Variants in CD44 observed in about 807,000 individuals in gnomAD.
CD44 encodes the protein CD44 antigen.
A neutral mutation model predicts 88.8 loss-of-function variants in CD44; 49 were observed. The ratio of observed to expected loss-of-function variants is 0.55; its 90% CI spans 0.44 to 0.70. The LOEUF (loss-of-function observed/expected upper bound fraction) is 0.70, where lower values mean the gene tolerates loss of function less well. Ranked by LOEUF, CD44 falls within the 30% of genes least tolerant of loss-of-function variation. The pLI is 0.00. For synonymous variants in CD44, 325 were observed against 312.3 expected (o/e 1.04, Z -0.43); for missense variants, 883 against 913.8 (o/e 0.97, Z 0.43).
Position 35,209,998 on chromosome 11 carries a change from A to G in CD44, c.1550A>G (p.His517Arg). The G allele has an allele frequency of 1.3e-6, 2 of 1,576,386 alleles. No homozygotes were observed. Among genetic ancestry groups the G allele is most frequent in the Non-Finnish European group, 1.7e-6 (2 of 1,165,400 alleles). The change falls in exon 13 of 18, where the codon CAT becomes CGT. Residue 517 changes from histidine to arginine, a missense_variant. This residue lies in a region of CD44 where 631 missense variants were observed against 590.9 expected (regional missense o/e 1.07). Coordinates refer to ENST00000428726, the MANE Select transcript of CD44 (RefSeq NM_000610.4). ...AATTCTCAGAGCTTCTCTACATCAC[A>G]TGAAGGCTTGGAAGAAGATAAAGAC... ...QSNSQSFSTS[H>R]EGLEEDKDHP...
At chr11:35,152,576 C>G (rs1225433898) in intron 1 of CD44, among the ~76,000 whole-genome samples, 1 of 152,220 alleles carries the variant, frequency 6.6e-6, no homozygotes, top group African/African-American at 2.4e-5. Flanking sequence ...GTGTTTTGTG[C>G]TAGTAGGCAG....
intron 3 of CD44, among the ~76,000 whole-genome samples, chr11:35,185,030 G>A (rs866805866): frequency 6.6e-5 from 10 of 152,160 alleles, no homozygotes; most frequent in African/African-American, 2.4e-4. Flanking sequence ...CATCTGTGGA[G>A]CTTATACATT....
intron 1 of CD44, among the ~76,000 whole-genome samples, chr11:35,152,753 A>G (rs1392177822): frequency 6.6e-6 from 1 of 152,098 alleles, no homozygotes; most frequent in Non-Finnish European, 1.5e-5. Context: ...TGGGCCCAGT[A>G]TTGGCTCAGG....
At chr11:35,197,816 T>C in intron 6 of CD44, 2 of 263,316 alleles carry the variant, frequency 7.6e-6, no homozygotes, top group Non-Finnish European at 1.4e-5. Flanking sequence ...ATAATAAACA[T>C]ATCTGAAAGT....
intron 1 of CD44, among the ~76,000 whole-genome samples, chr11:35,156,295 A>G (rs1170053010): frequency 6.6e-6 from 1 of 152,136 alleles, no homozygotes; most frequent in Non-Finnish European, 1.5e-5. Context: ...ATCCAACATC[A>G]TGGGAGGAAG....
At position 35,162,892 on chromosome 11, in the gene CD44, A is replaced by G. The variant is rs372813651; in HGVS notation, c.68-13683A>G. On this transcript the variant is annotated intron_variant, in intron 1 of 17. Coordinates refer to ENST00000428726, the MANE Select transcript of CD44 (RefSeq NM_000610.4). The stretch of plus-strand genomic sequence containing the variant: ...CACACAGACAGAAACACACACATAC[A>G]TGCACACACACACAGACATGTACAC... Among the ~76,000 whole-genome samples the G allele has an allele frequency of 6.6e-5, 10 of 152,234 alleles. No homozygotes were observed. The East Asian group carries it at 1.3e-3, about 21-fold the overall frequency.
chr11:35,211,283 TC>T lies in CD44; in HGVS notation c.1645del (p.His549IlefsTer28). 1 of 1,613,918 alleles carries T rather than the reference TC, an allele frequency of 6.2e-7. No individual in the cohort carries two copies. The highest frequency in any genetic ancestry group is 2.2e-5 in the East Asian group (1 of 44,866). On this transcript the variant is annotated frameshift_variant, in exon 14 of 18. Transcript: ENST00000428726. LOFTEE classifies it high-confidence loss of function. ...DVTGGRRDPNHSEGSTTLLEG... is the reference protein window; with the variant it reads ...DVTGGRRDPNXSEGSTTLLEG... ...TCACAGGTGGAAGAAGAGACCCAAA[TC>T]ATTCTGAAGGCTCAACTACTTTACT...
chr11:35,163,575 T>C (rs1028706430), intron 1 of CD44, among the ~76,000 whole-genome samples: 1 of 152,190 alleles, frequency 6.6e-6, no homozygotes, highest in Non-Finnish European at 1.5e-5. Context: ...ATCAAGCTTT[T>C]CCTCTTGCTG....
At chr11:35,168,864 C>T (rs2133481475) in intron 1 of CD44, among the ~76,000 whole-genome samples, 1 of 152,272 alleles carries the variant, frequency 6.6e-6, no homozygotes, top group Middle Eastern at 3.4e-3. Flanking sequence ...AGAAATGGCC[C>T]TGTGATGGTA....
chr11:35,139,260 CCTCCAG>C lies in CD44; in HGVS notation c.-39_-34del. 2 of 1,511,876 alleles carry C rather than the reference CCTCCAG, an allele frequency of 1.3e-6. No homozygotes were observed. The highest frequency in any genetic ancestry group is 2.4e-5 in the South Asian group (2 of 83,274). The allele number at this position is 1,511,876 out of a possible 1,614,324, so 93.7% of individuals were successfully genotyped here. A position where few individuals can be genotyped will look rare whatever the true frequency, so the allele number is the denominator to read the frequency against. ...CGGCCCCTGCCCCGCGCCCAGGGAT[CCTCCAG>C]CTCCTTTCGCCCGCGCCCTCCGTTC... On this transcript the variant is annotated 5_prime_UTR_variant, in exon 1 of 18. Transcript: ENST00000428726.
chr11:35,222,468 G>T (rs1182335446), intron 17 of CD44: 19 of 1,246,944 alleles, frequency 1.5e-5, no homozygotes, highest in Non-Finnish European at 2.0e-5. Flanking sequence ...CTTTCCTTTG[G>T]AAAACAACTA....
chr11:35,221,794 A>G (rs1949324292), intron 17 of CD44, 62 bp downstream of exon 17: 7 of 1,409,882 alleles, frequency 5.0e-6, no homozygotes, highest in South Asian at 2.3e-5. Context: ...TGGGCTTTAT[A>G]TCCTTGCTGC....
At chr11:35,142,516 C>A (rs1858197554) in intron 1 of CD44, among the ~76,000 whole-genome samples, 2 of 152,138 alleles carry the variant, frequency 1.3e-5, no homozygotes, top group African/African-American at 4.8e-5. Flanking sequence ...TGGCACACAC[C>A]TTTCTGCTCC....
chr11:35,172,706 A>C (rs776432933), intron 1 of CD44, among the ~76,000 whole-genome samples: 9 of 152,080 alleles, frequency 5.9e-5, no homozygotes, highest in Non-Finnish European at 1.3e-4. Context: ...TTCACCAAAA[A>C]TTTTGGTGTG....
At chr11:35,220,989 G>A (rs1382818880) in intron 16 of CD44, among the ~76,000 whole-genome samples, 4 of 152,056 alleles carry the variant, frequency 2.6e-5, no homozygotes, top group Non-Finnish European at 4.4e-5. Context: ...TCAAACTCCT[G>A]ACCTCGTGAT....
At chr11:35,166,677 A>T (rs934275097) in intron 1 of CD44, among the ~76,000 whole-genome samples, 28 of 152,374 alleles carry the variant, frequency 1.8e-4, no homozygotes, top group Non-Finnish European at 3.4e-4. Context: ...GGGTCCAGCC[A>T]GGCGCCAAGA....
chr11:35,219,531 G>A, intron 16 of CD44, 144 bp downstream of exon 16: 1 of 666,112 alleles, frequency 1.5e-6, no homozygotes, highest in Non-Finnish European at 2.7e-6. Flanking sequence ...ACAAGTTAAA[G>A]GATGAATGAG....
intron 17 of CD44, among the ~76,000 whole-genome samples, chr11:35,228,413 A>G (rs1380112677): frequency 2.6e-5 from 4 of 152,230 alleles, no homozygotes; most frequent in Non-Finnish European, 4.4e-5. Context: ...TAATGCTGAC[A>G]AGGCCGACAA....
rs145935565 is a variant in CD44, at chr11:35,197,016, C to A, written c.796+142C>A. On this transcript the variant is annotated intron_variant, in intron 6 of 17. Coordinates refer to ENST00000428726, the MANE Select transcript of CD44 (RefSeq NM_000610.4). ...TATGACTTCAGAAGGATCATTAACTCTGGTATCTGTTTGTTTGCTTGTATG... is the reference window on the plus strand; with the variant it reads ...TATGACTTCAGAAGGATCATTAACTATGGTATCTGTTTGTTTGCTTGTATG... The A allele has an allele frequency of 2.2e-3, 1,648 of 746,606 alleles. 30 individuals are homozygous for A. The African/African-American group carries it at 0.026, about 12-fold the overall frequency. 46.2% of individuals were successfully genotyped at this position (746,606 alleles called of 1,614,324 possible).
Sources: gnomAD v4.1 joint callset for allele counts (sites outside exome capture counted in the v4.1 genomes callset) on GRCh38, gnomAD v4.1.1 for gene constraint, gnomAD v4.1.1 regional missense constraint, MANE v1.5 for transcripts, NCBI Gene and HGNC (gene_info 2026-07-23, HGNC 2026-07-21) for gene names.